The following IPO8 variants were observed in gnomAD, a reference collection of about 807,000 sequenced individuals.
IPO8 encodes importin 8, also known as importin-8.
In IPO8, 65 loss-of-function variants were observed where a neutral mutation model predicts 141.2. The ratio of observed to expected loss-of-function variants is 0.46; its 90% CI spans 0.38 to 0.57. The LOEUF is 0.57. Ranked by LOEUF, IPO8 falls within the 20% of genes least tolerant of loss-of-function variation. IPO8 has a pLI of 0.00. For missense variants in IPO8, 980 were observed against 1,246.8 expected (o/e 0.79, Z 3.22); for synonymous variants, 411 against 420.3 (o/e 0.98, Z 0.27).
intron 1 of IPO8, among the ~76,000 whole-genome samples, chr12:30,691,411 C>T (rs1038890658): frequency 1.3e-5 from 2 of 152,180 alleles, no homozygotes; most frequent in Admixed American, 1.3e-4. Flanking sequence ...TGCCCTGTGG[C>T]CTGGGTCACT....
intron 22 of IPO8, among the ~76,000 whole-genome samples, chr12:30,635,607 G>C (rs1413880401): frequency 1.3e-5 from 2 of 152,000 alleles, no homozygotes; most frequent in East Asian, 3.9e-4. Flanking sequence ...GAACAGGAAG[G>C]CAGTAAATGC....
intron 23 of IPO8, among the ~76,000 whole-genome samples, chr12:30,632,946 G>C (rs911535612): frequency 6.6e-6 from 1 of 152,134 alleles, no homozygotes; most frequent in East Asian, 1.9e-4. Flanking sequence ...GTTTAAAGTT[G>C]CTTGTCACTT....
Position 30,649,244 on chromosome 12 carries a change from A to T in IPO8, c.2173-12T>A. ...TCTCCACATAGTACCTGCAGTAATT[A>T]CAATTTAGCTCAGCAGTAAGTGGCA... On this transcript the variant is annotated splice_polypyrimidine_tract_variant and intron_variant, in intron 19 of 24. Transcript: ENST00000256079. The T allele has an allele frequency of 6.3e-7, 1 of 1,597,032 alleles. No homozygotes were observed. Among genetic ancestry groups the T allele is most frequent in the South Asian group, 1.1e-5 (1 of 90,518 alleles).
rs146047148 is a variant in IPO8 at position 30,667,015 on chromosome 12, G to C, written c.1145-764C>G. The stretch of plus-strand genomic sequence containing the variant: ...AACATTTTCACAAGTTTCAGAATAG[G>C]CAGTTTTACATAAGAAACTGAAGTC... On this transcript the variant is annotated intron_variant, in intron 10 of 24. Transcript: ENST00000256079. Among the ~76,000 whole-genome samples the C allele has an allele frequency of 2.6e-5, 4 of 152,270 alleles. No homozygotes were observed. The East Asian group carries it at 7.7e-4, about 29-fold the overall frequency.
At chr12:30,652,724 A>C (rs1294370084) in intron 18 of IPO8, among the ~76,000 whole-genome samples, 2 of 152,114 alleles carry the variant, frequency 1.3e-5, no homozygotes, top group Non-Finnish European at 2.9e-5. Context: ...TATTAAATTA[A>C]TATATGGATA....
At position 30,690,499 on chromosome 12, in the gene IPO8, C is replaced by A. The variant is rs1210208868; in HGVS notation, c.163G>T (p.Ala55Ser). Residue 55 changes from alanine to serine, a missense_variant, in exon 2 of 25, where the codon GCA (alanine) becomes TCA (serine). Physicochemically the swap from Ala to Ser is moderately conservative, Grantham distance 99 (BLOSUM62 1). Coordinates refer to ENST00000256079, the MANE Select transcript of IPO8 (RefSeq NM_006390.4). ...SDHVEFPVRQ[A>S]AAIYLKNMVT... Reference sequence around the variant, plus strand: ...AAAGGATAAAAAACCAACTCACCTGCCTGTCGTACTGGGAATTCCACATGG... The same window carrying A: ...AAAGGATAAAAAACCAACTCACCTGACTGTCGTACTGGGAATTCCACATGG... 1 of 1,575,134 alleles carries A rather than the reference C, an allele frequency of 6.3e-7. No individual in the cohort carries two copies. Among genetic ancestry groups the A allele is most frequent in the African/African-American group, 1.4e-5 (1 of 72,936 alleles).
chr12:30,642,189 C>A (rs1390403318), intron 20 of IPO8, among the ~76,000 whole-genome samples: 4 of 151,440 alleles, frequency 2.6e-5, no homozygotes. Context: ...GGTACAAGAG[C>A]GAGACTTCAT....
At chr12:30,686,555 C>A (rs1032615423) in intron 2 of IPO8, 1 of 152,108 alleles carries the variant, frequency 6.6e-6, no homozygotes, top group African/African-American at 2.4e-5. Flanking sequence ...GCCATACTGC[C>A]CAGGCTGGTC....
intron 6 of IPO8, among the ~76,000 whole-genome samples, chr12:30,675,956 G>A (rs560833766): frequency 1.3e-4 from 19 of 151,228 alleles, no homozygotes; most frequent in Admixed American, 1.1e-3. Flanking sequence ...TTATCAATAC[G>A]TTTTTTTTCT....
intron 10 of IPO8, among the ~76,000 whole-genome samples, chr12:30,668,336 G>A (rs1216915085): frequency 6.6e-6 from 1 of 152,150 alleles, no homozygotes; most frequent in Non-Finnish European, 1.5e-5. Context: ...TGTACCAGTA[G>A]GTTTAGCTTA....
intron 20 of IPO8, among the ~76,000 whole-genome samples, chr12:30,645,099 T>A (rs2052626229): frequency 6.6e-6 from 1 of 151,356 alleles, no homozygotes; most frequent in Non-Finnish European, 1.5e-5. Flanking sequence ...CCAGGCCAGG[T>A]GCGGTGGCTC....
intron 23 of IPO8, among the ~76,000 whole-genome samples, chr12:30,632,848 G>A (rs565098345): frequency 3.5e-4 from 53 of 152,268 alleles, no homozygotes; most frequent in African/African-American, 1.2e-3. Context: ...GCAATGGGAT[G>A]GACCACCTCA....
chr12:30,690,307 T>G (rs891382584), intron 2 of IPO8, among the ~76,000 whole-genome samples, 189 bp downstream of exon 2: 1 of 152,168 alleles, frequency 6.6e-6, no homozygotes, highest in Non-Finnish European at 1.5e-5. Flanking sequence ...TAGAAGATAT[T>G]TGAGAGCTCA....
At chr12:30,651,351 A>G (rs1010453458) in intron 19 of IPO8, among the ~76,000 whole-genome samples, 3 of 152,140 alleles carry the variant, frequency 2.0e-5, no homozygotes, top group African/African-American at 7.2e-5. Flanking sequence ...ACTGAGACCT[A>G]GACCTAAACC....
At chr12:30,631,088 G>C in intron 24 of IPO8, 131 bp from the exon 25 acceptor site, 1 of 635,006 alleles carries the variant, frequency 1.6e-6, no homozygotes, top group Non-Finnish European at 2.7e-6. Context: ...GGTAGTATTA[G>C]TTATCCTGCC....
chr12:30,668,959 C>T (rs1206172318), intron 10 of IPO8, among the ~76,000 whole-genome samples: 24 of 152,112 alleles, frequency 1.6e-4, no homozygotes, highest in Admixed American at 1.6e-3. Flanking sequence ...AACTTGAGCA[C>T]CCGTAAGAGA....
intron 17 of IPO8, among the ~76,000 whole-genome samples, chr12:30,654,754 G>A (rs555900949): frequency 7.9e-5 from 12 of 152,132 alleles, no homozygotes; most frequent in Admixed American, 4.6e-4. Flanking sequence ...TACTCTTGGT[G>A]AGAGAGTAAA....
At chr12:30,636,891 G>C in intron 22 of IPO8, 91 bp downstream of exon 22, 1 of 1,084,078 alleles carries the variant, frequency 9.2e-7, no homozygotes, top group South Asian at 1.4e-5. Context: ...ATGTAAATCT[G>C]TTTAATGTCT....
At chr12:30,693,859 T>C (rs1280068195) in intron 1 of IPO8, among the ~76,000 whole-genome samples, 3 of 152,202 alleles carry the variant, frequency 2.0e-5, no homozygotes, top group East Asian at 1.9e-4. Context: ...TGGATTTGGA[T>C]TGAACTACCA....
Sources: allele counts gnomAD v4.1 joint callset (sites outside exome capture counted in the v4.1 genomes callset), GRCh38; gene constraint gnomAD v4.1.1; transcripts MANE v1.5; gene names NCBI Gene and HGNC (gene_info 2026-07-23, HGNC 2026-07-21).